PRKG1: variants seen among roughly 807,000 people sequenced by gnomAD.
PRKG1 encodes cGMP-dependent protein kinase 1.
PRKG1 carries 35 observed loss-of-function variants against 88.1 expected under a neutral mutation model. That is an observed-to-expected ratio of 0.40 (90% CI 0.30 to 0.53). The LOEUF is 0.53. Ranked by LOEUF, PRKG1 falls within the 20% of genes least tolerant of loss-of-function variation. The probability of loss-of-function intolerance (pLI) is 0.59; values close to 1 mark genes in which losing one functional copy is unlikely to be tolerated. For missense variants in PRKG1, 540 were observed against 839.8 expected, an observed-to-expected ratio of 0.64 and a Z score of 4.41; for synonymous variants, 303 against 292.5, an observed-to-expected ratio of 1.04 and a Z score of -0.37.
intron 3 of PRKG1, among the ~76,000 whole-genome samples, chr10:51,517,362 G>A (rs111335352): frequency 1.1e-3 from 169 of 152,312 alleles, no homozygotes; most frequent in African/African-American, 3.8e-3. Context: ...TTCTGGGTAT[G>A]GGAAAGGAAC....
At chr10:51,209,734 T>C (rs1334178890) in intron 2 of PRKG1, among the ~76,000 whole-genome samples, 3 of 152,152 alleles carry the variant, frequency 2.0e-5, no homozygotes, top group East Asian at 1.9e-4. Flanking sequence ...CACAAATTAG[T>C]ATACAAAATT....
At chr10:51,755,930 T>C (rs1837848353) in intron 3 of PRKG1, among the ~76,000 whole-genome samples, 1 of 152,230 alleles carries the variant, frequency 6.6e-6, no homozygotes, top group Admixed American at 6.5e-5. Flanking sequence ...CATTTCTTCT[T>C]TCAACAGCTG....
intron 9 of PRKG1, among the ~76,000 whole-genome samples, chr10:52,197,111 G>GT (rs1271123022): frequency 4.6e-5 from 7 of 151,552 alleles, no homozygotes; most frequent in African/African-American, 7.3e-5. Context: ...ATACAGATAA[G>GT]TTTTTTTTTC....
rs191899830 is a variant in PRKG1, at chr10:51,699,770, C to T, written c.593-104815C>T. On this transcript the variant is annotated intron_variant, in intron 3 of 17. Coordinates refer to ENST00000373980, the MANE Select transcript of PRKG1 (RefSeq NM_006258.4). ...TCATGGTTCTGTCAGCTTCTTATTA[C>T]AGAGTCGCATGATTCCTTTCCCATT... Among the ~76,000 whole-genome samples the T allele has an allele frequency of 2.6e-4, 40 of 152,334 alleles. 1 individual carries two copies. Among genetic ancestry groups the T allele is most frequent in the African/African-American group, 9.6e-4 (40 of 41,584 alleles).
chr10:51,528,618 A>G (rs1841940621), intron 3 of PRKG1, among the ~76,000 whole-genome samples: 1 of 150,618 alleles, frequency 6.6e-6, no homozygotes, highest in Non-Finnish European at 1.5e-5. Context: ...TCCTCTGTGC[A>G]AGAGAAAAGG....
At chr10:51,263,898 G>A (rs1222849199) in intron 2 of PRKG1, among the ~76,000 whole-genome samples, 2 of 152,140 alleles carry the variant, frequency 1.3e-5, no homozygotes, top group Non-Finnish European at 2.9e-5. Flanking sequence ...ACATCACTTT[G>A]GGATTATTCT....
chr10:52,124,714 A>T (rs1847892633), intron 7 of PRKG1, among the ~76,000 whole-genome samples: 1 of 152,110 alleles, frequency 6.6e-6, no homozygotes, highest in Admixed American at 6.5e-5. Context: ...TAATTTCTAA[A>T]ATACAAACAA....
chr10:51,568,212 G>T (rs72795187), intron 3 of PRKG1, among the ~76,000 whole-genome samples: 1 of 151,826 alleles, frequency 6.6e-6, no homozygotes, highest in South Asian at 2.1e-4. Context: ...AGTATTGTCC[G>T]AATGAGTGAA....
intron 8 of PRKG1, among the ~76,000 whole-genome samples, chr10:52,153,805 G>C (rs1838008253): frequency 6.6e-6 from 1 of 152,156 alleles, no homozygotes; most frequent in African/African-American, 2.4e-5. Context: ...GAGTGCAATG[G>C]CATGATCTCG....
intron 2 of PRKG1, among the ~76,000 whole-genome samples, chr10:51,194,996 G>C (rs921851710): frequency 1.3e-5 from 2 of 152,224 alleles, no homozygotes; most frequent in Non-Finnish European, 2.9e-5. Context: ...CTGTTGCATT[G>C]GGATTAAATT....
intron 1 of PRKG1, among the ~76,000 whole-genome samples, chr10:51,035,580 G>A (rs992177881): frequency 6.6e-6 from 1 of 152,176 alleles, no homozygotes; most frequent in East Asian, 1.9e-4. Context: ...AGGACACAGA[G>A]CGCTCCTTAC....
At chr10:51,158,699 G>C (rs1301561614) in intron 2 of PRKG1, among the ~76,000 whole-genome samples, 1 of 151,680 alleles carries the variant, frequency 6.6e-6, no homozygotes, top group Non-Finnish European at 1.5e-5. Flanking sequence ...CTTAATTCTT[G>C]GTCCACCTCT....
chr10:51,104,667 C>T (rs966639781), intron 1 of PRKG1, among the ~76,000 whole-genome samples: 17 of 151,096 alleles, frequency 1.1e-4, no homozygotes, highest in East Asian at 3.9e-4. Flanking sequence ...TTACAGGGGG[C>T]GCTACCACAC....
intron 2 of PRKG1, among the ~76,000 whole-genome samples, chr10:51,384,845 T>A (rs921860408): frequency 1.3e-5 from 2 of 152,214 alleles, no homozygotes; most frequent in Admixed American, 1.3e-4. Flanking sequence ...ATGAAATAGC[T>A]GTTGAGTGAT....
chr10:51,479,166 A>G (rs1313978714), intron 3 of PRKG1, among the ~76,000 whole-genome samples: 1 of 152,086 alleles, frequency 6.6e-6, no homozygotes, highest in Non-Finnish European at 1.5e-5. Context: ...AAACAATGAT[A>G]AAAACAGCAG....
chr10:51,642,488 T>G (rs889763304), intron 3 of PRKG1, among the ~76,000 whole-genome samples: 4 of 152,206 alleles, frequency 2.6e-5, no homozygotes, highest in Admixed American at 6.5e-5. Flanking sequence ...ATTCAAGACA[T>G]CAGCTTTCCA....
At chr10:51,648,059 C>T (rs1564588949) in intron 3 of PRKG1, among the ~76,000 whole-genome samples, 2 of 151,812 alleles carry the variant, frequency 1.3e-5, no homozygotes, top group South Asian at 2.1e-4. Context: ...CACACACACA[C>T]ACACACATAT....
chr10:51,757,653 GA>G (rs1215037274), intron 3 of PRKG1, among the ~76,000 whole-genome samples: 3 of 152,116 alleles, frequency 2.0e-5, no homozygotes, highest in Non-Finnish European at 4.4e-5. Context: ...TCTGAATTGA[GA>G]TGTGTTATAA....
At chr10:51,043,067 C>T (rs948881704) in intron 1 of PRKG1, among the ~76,000 whole-genome samples, 1 of 152,142 alleles carries the variant, frequency 6.6e-6, no homozygotes, top group Non-Finnish European at 1.5e-5. Context: ...GTTATAGCAT[C>T]CCCAATAGAC....
Sources: allele counts gnomAD v4.1 joint callset (sites outside exome capture counted in the v4.1 genomes callset), GRCh38; gene constraint gnomAD v4.1.1; transcripts MANE v1.5; gene names NCBI Gene and HGNC (gene_info 2026-07-23, HGNC 2026-07-21).